Variants in NUDCD3 observed in about 807,000 individuals in gnomAD.
NUDCD3 encodes the protein nudC domain-containing protein 3.
In NUDCD3, 13 loss-of-function variants were observed where a neutral mutation model predicts 39.7. The ratio of observed to expected loss-of-function variants is 0.33; its 90% CI spans 0.21 to 0.52. The LOEUF is 0.52. Ranked by LOEUF, NUDCD3 falls within the 20% of genes least tolerant of loss-of-function variation. NUDCD3 has a pLI of 0.96. For missense variants in NUDCD3, 453 were observed against 458.1 expected (o/e 0.99, Z 0.10); for synonymous variants, 175 against 172.4 (o/e 1.02, Z -0.12).
At chr7:44,468,337 AT>A in intron 2 of NUDCD3, 1 of 979,962 alleles carries the variant, frequency 1.0e-6, no homozygotes, top group African/African-American at 1.8e-5. Context: ...GTTTAAATAA[AT>A]GTAAAAACTG....
chr7:44,394,632 C>T (rs10807919), intron 4 of NUDCD3, among the ~76,000 whole-genome samples: 19,577 of 152,250 alleles, frequency 0.13, 1,671 homozygotes, highest in Non-Finnish European at 0.19. Context: ...AAAACACATA[C>T]CATTACCATT....
At chr7:44,415,305 T>G (rs991120083) in intron 3 of NUDCD3, among the ~76,000 whole-genome samples, 1 of 152,192 alleles carries the variant, frequency 6.6e-6, no homozygotes, top group Admixed American at 6.5e-5. Flanking sequence ...AACTCAAAGT[T>G]CCTTGTCTCT....
At chr7:44,483,698 C>A (rs772963092) in intron 2 of NUDCD3, among the ~76,000 whole-genome samples, 3 of 152,118 alleles carry the variant, frequency 2.0e-5, no homozygotes, top group Non-Finnish European at 4.4e-5. Flanking sequence ...AACTTATTTT[C>A]TCTTACTCCA....
chr7:44,488,473 T>C lies in NUDCD3; in HGVS notation c.192+1936A>G, dbSNP rs551692524. On this transcript the variant is annotated intron_variant, in intron 1 of 5. Transcript: ENST00000355451. ...GTCCCCTTGGTTTCTGTGAAACTTA[T>C]TGCTCTCCACCAAGATTATTCCCCA... Among the ~76,000 whole-genome samples the C allele has an allele frequency of 1.3e-4, 20 of 152,308 alleles. No individual in the cohort carries two copies. The South Asian group carries it at 3.1e-3, about 24-fold the overall frequency.
At chr7:44,391,005 T>C (rs981702885) in intron 5 of NUDCD3, among the ~76,000 whole-genome samples, 7 of 152,014 alleles carry the variant, frequency 4.6e-5, no homozygotes, top group Admixed American at 3.3e-4. Flanking sequence ...AGAGGAACAT[T>C]CTCTTCCATA....
intron 1 of NUDCD3, among the ~76,000 whole-genome samples, chr7:44,485,805 C>CA (rs1800598305): frequency 1.3e-5 from 2 of 152,176 alleles, no homozygotes; most frequent in Admixed American, 1.3e-4. Flanking sequence ...CACGCACGCA[C>CA]AAAAAACATC....
chr7:44,411,465 T>A (rs1440402182), intron 3 of NUDCD3, among the ~76,000 whole-genome samples: 1 of 152,176 alleles, frequency 6.6e-6, no homozygotes, highest in African/African-American at 2.4e-5. Context: ...AACATGCATA[T>A]GGACTTGAAT....
chr7:44,435,990 T>C (rs1799456563), intron 2 of NUDCD3, among the ~76,000 whole-genome samples: 2 of 152,124 alleles, frequency 1.3e-5, no homozygotes, highest in Admixed American at 1.3e-4. Context: ...AAGTTCTAAG[T>C]TTTTTGGACA....
At chr7:44,468,552 A>G (rs1800182404) in intron 2 of NUDCD3, among the ~76,000 whole-genome samples, 1 of 152,116 alleles carries the variant, frequency 6.6e-6, no homozygotes, top group Admixed American at 6.5e-5. Context: ...AAAAAGATAA[A>G]TGTAACAGTT....
In NUDCD3 at chr7:44,381,299, CAG is replaced by C. The variant is rs1471542382; in HGVS notation, c.*4710_*4711del. On this transcript the variant is annotated 3_prime_UTR_variant, in exon 6 of 6. Transcript: ENST00000355451. ...GCCACTCACCTTGGTCATGATGCCACAGAGAGTGTGGCATGGCCAGGACTGTA... is the reference window on the plus strand; with the variant it reads ...GCCACTCACCTTGGTCATGATGCCACAGAGTGTGGCATGGCCAGGACTGTA... 2.6e-5 allele frequency: 4 copies of C among 152,338 alleles called. No individual in the cohort carries two copies. The highest frequency in any genetic ancestry group is 4.4e-5 in the Non-Finnish European group (3 of 68,134). 9.4% of individuals were successfully genotyped at this position (152,338 alleles called of 1,614,324 possible).
At chr7:44,458,314 G>C (rs1443969022) in intron 2 of NUDCD3, among the ~76,000 whole-genome samples, 1 of 152,208 alleles carries the variant, frequency 6.6e-6, no homozygotes, top group Non-Finnish European at 1.5e-5. Flanking sequence ...GGAGGTTTGA[G>C]AGAAAATGAG....
At chr7:44,451,061 T>C (rs1799786235) in intron 2 of NUDCD3, among the ~76,000 whole-genome samples, 1 of 152,248 alleles carries the variant, frequency 6.6e-6, no homozygotes, top group Admixed American at 6.5e-5. Context: ...CTGTTTACAA[T>C]AGCTGAAAGG....
rs1225087474 is a variant in NUDCD3, at chr7:44,382,124, A to T, written c.*3887T>A. ...AGACCCCTGTCACACCAAGGAGCCCAGCGATGGGGGGGTTTCTTCCCTCCC... is the reference window on the plus strand; with the variant it reads ...AGACCCCTGTCACACCAAGGAGCCCTGCGATGGGGGGGTTTCTTCCCTCCC... On this transcript the variant is annotated 3_prime_UTR_variant, in exon 6 of 6. Coordinates refer to ENST00000355451, the MANE Select transcript of NUDCD3 (RefSeq NM_015332.4). The T allele has an allele frequency of 6.6e-6, 1 of 152,190 alleles. No homozygotes were observed. Among genetic ancestry groups the T allele is most frequent in the African/African-American group, 2.4e-5 (1 of 41,440 alleles). The allele number at this position is 152,190 out of a possible 1,614,324, so 9.4% of individuals were successfully genotyped here.
intron 2 of NUDCD3, among the ~76,000 whole-genome samples, chr7:44,465,067 A>G (rs1800092514): frequency 6.6e-6 from 1 of 152,194 alleles, no homozygotes; most frequent in Non-Finnish European, 1.5e-5. Context: ...GCACCAGTTC[A>G]AACACCTATG....
intron 4 of NUDCD3, among the ~76,000 whole-genome samples, chr7:44,401,923 C>T (rs971062504): frequency 6.6e-6 from 1 of 152,220 alleles, no homozygotes; most frequent in African/African-American, 2.4e-5. Context: ...CACAGCTCCC[C>T]CAACCTCCTG....
At chr7:44,468,349 CA>C (rs77181470) in intron 2 of NUDCD3, 61,354 of 372,248 alleles carry the variant, frequency 0.16, 43 homozygotes, top group Middle Eastern at 0.22. Context: ...GTAAAAACTG[CA>C]AAAAAAAAAA....
At chr7:44,415,676 G>A (rs764031886) in intron 3 of NUDCD3, among the ~76,000 whole-genome samples, 6 of 152,182 alleles carry the variant, frequency 3.9e-5, no homozygotes, top group Non-Finnish European at 7.3e-5. Context: ...CTCTGATAAT[G>A]CCTGCATCAA....
At chr7:44,416,306 C>G (rs1231339552) in intron 3 of NUDCD3, among the ~76,000 whole-genome samples, 1 of 151,936 alleles carries the variant, frequency 6.6e-6, no homozygotes, top group Non-Finnish European at 1.5e-5. Context: ...CCAGGCTGGT[C>G]TCAAATTCCT....
chr7:44,483,043 G>A (rs977810609), intron 2 of NUDCD3, among the ~76,000 whole-genome samples: 1 of 152,048 alleles, frequency 6.6e-6, no homozygotes, highest in Non-Finnish European at 1.5e-5. Flanking sequence ...CCAAAGGAAG[G>A]ACAAAGAGAA....
Sources: allele counts gnomAD v4.1 joint callset (sites outside exome capture counted in the v4.1 genomes callset), GRCh38; gene constraint gnomAD v4.1.1; transcripts MANE v1.5; gene names NCBI Gene and HGNC (gene_info 2026-07-23, HGNC 2026-07-21).